Variants in NR3C2 observed in about 807,000 individuals in gnomAD.
NR3C2 encodes the protein mineralocorticoid receptor.
NR3C2 carries 15 observed loss-of-function variants against 86.4 expected under a neutral mutation model. That is an observed-to-expected ratio of 0.17 (90% CI 0.12 to 0.27). The LOEUF is 0.27. Ranked by LOEUF, NR3C2 falls within the 10% of genes least tolerant of loss-of-function variation. The pLI is 1.00. For synonymous variants in NR3C2, 458 were observed against 450.5 expected, an observed-to-expected ratio of 1.02 and a Z score of -0.21; for missense variants, 960 against 1,195.6, an observed-to-expected ratio of 0.80 and a Z score of 2.91.
chr4:148,209,794 C>T (rs1737193179), intron 3 of NR3C2, among the ~76,000 whole-genome samples: 1 of 152,196 alleles, frequency 6.6e-6, no homozygotes, highest in African/African-American at 2.4e-5. Context: ...CCTTCCAGGT[C>T]TGCCATCTCC....
chr4:148,271,355 G>A (rs72655256), intron 2 of NR3C2, among the ~76,000 whole-genome samples: 1 of 152,068 alleles, frequency 6.6e-6, no homozygotes, highest in Non-Finnish European at 1.5e-5. Flanking sequence ...AAGGAATCCT[G>A]AGTACTTTCT....
chr4:148,122,604 T>G lies in NR3C2; in HGVS notation c.2511-2316A>C, dbSNP rs372233110. 7.9e-5 allele frequency among the ~76,000 whole-genome samples: 12 copies of G among 152,334 alleles called. No individual in the cohort carries two copies. In the East Asian group the frequency reaches 2.3e-3, roughly 29 times the overall value. On this transcript the variant is annotated intron_variant, in intron 6 of 8. Coordinates refer to ENST00000358102, the MANE Select transcript of NR3C2 (RefSeq NM_000901.5). ...CTTCTTCCTCCTTCTCTTCCTTTCA[T>G]TGGATTGACCTAGCTTTTTAGCCCC...
intron 2 of NR3C2, among the ~76,000 whole-genome samples, chr4:148,317,241 G>A: frequency 6.6e-6 from 1 of 152,044 alleles, no homozygotes; most frequent in East Asian, 1.9e-4. Flanking sequence ...TGTAATCCCA[G>A]CTACTTGTGA....
chr4:148,099,067 C>T (rs1277855958), intron 8 of NR3C2, among the ~76,000 whole-genome samples: 1 of 152,208 alleles, frequency 6.6e-6, no homozygotes, highest in Non-Finnish European at 1.5e-5. Context: ...CTGGCCACAC[C>T]TGCAAGGTGT....
intron 4 of NR3C2, among the ~76,000 whole-genome samples, chr4:148,193,437 T>C (rs1167963925): frequency 6.6e-6 from 1 of 152,204 alleles, no homozygotes; most frequent in Non-Finnish European, 1.5e-5. Flanking sequence ...AAATTCACAA[T>C]GCAAGCCTCC....
intron 6 of NR3C2, among the ~76,000 whole-genome samples, chr4:148,135,622 G>A: frequency 6.6e-6 from 1 of 152,062 alleles, no homozygotes; most frequent in East Asian, 1.9e-4. Flanking sequence ...GTAAAGAAAA[G>A]TCATTCCTCT....
chr4:148,294,863 T>C (rs1741969886), intron 2 of NR3C2, among the ~76,000 whole-genome samples: 2 of 151,908 alleles, frequency 1.3e-5, no homozygotes, highest in African/African-American at 4.8e-5. Flanking sequence ...TGGCACATGC[T>C]TGTTGTCCCA....
At chr4:148,303,149 A>G (rs1280482176) in intron 2 of NR3C2, among the ~76,000 whole-genome samples, 2 of 152,196 alleles carry the variant, frequency 1.3e-5, no homozygotes, top group Admixed American at 6.5e-5. Flanking sequence ...TTTTTTTAAC[A>G]AAGATGAGGA....
intron 1 of NR3C2, among the ~76,000 whole-genome samples, chr4:148,439,792 C>A (rs1196172790): frequency 6.6e-6 from 1 of 152,154 alleles, no homozygotes; most frequent in Non-Finnish European, 1.5e-5. Flanking sequence ...GGCACTCTGC[C>A]CTAAAGCAAG....
At chr4:148,126,295 A>G (rs1732742647) in intron 6 of NR3C2, among the ~76,000 whole-genome samples, 1 of 152,214 alleles carries the variant, frequency 6.6e-6, no homozygotes, top group African/African-American at 2.4e-5. Flanking sequence ...AAGCTCTTAA[A>G]TTATACTTCA....
chr4:148,300,643 T>C (rs918131243), intron 2 of NR3C2, among the ~76,000 whole-genome samples: 1 of 141,308 alleles, frequency 7.1e-6, no homozygotes, highest in South Asian at 2.3e-4. Flanking sequence ...TGGAGTGCAA[T>C]GACGCAATCT....
chr4:148,165,820 TAAG>T (rs1734854773), intron 4 of NR3C2, among the ~76,000 whole-genome samples: 3 of 152,210 alleles, frequency 2.0e-5, no homozygotes, highest in Admixed American at 2.0e-4. Context: ...ACTCTATTAT[TAAG>T]AACATTTTAC....
At chr4:148,386,956 T>A (rs1396577017) in intron 2 of NR3C2, among the ~76,000 whole-genome samples, 1 of 152,182 alleles carries the variant, frequency 6.6e-6, no homozygotes, top group Non-Finnish European at 1.5e-5. Context: ...GCCTGTCTAG[T>A]CTAGTCCTAA....
At chr4:148,222,989 CCAAAA>C (rs1560986392) in intron 3 of NR3C2, among the ~76,000 whole-genome samples, 1 of 151,852 alleles carries the variant, frequency 6.6e-6, no homozygotes. Flanking sequence ...TGGTAAAAAA[CCAAAA>C]CAAAACAAAA....
chr4:148,381,232 G>GA lies in NR3C2; in HGVS notation c.1757+53871dup, dbSNP rs5862837. Among the ~76,000 whole-genome samples the GA allele has an allele frequency of 3.5e-3, 470 of 133,926 alleles. 1 individual carries two copies. Among genetic ancestry groups the GA allele is most frequent in the East Asian group, 6.6e-3 (28 of 4,240 alleles). 87.9% of individuals were successfully genotyped at this position (133,926 alleles called of 152,430 possible). A position where few individuals can be genotyped will look rare whatever the true frequency, so the allele number is the denominator to read the frequency against. ...ACTAGAGCGAGACCCTGTCTCAAAA[G>GA]AAAAAAAAAAAAAGAGGAAGAACAT... On this transcript the variant is annotated intron_variant, in intron 2 of 8. Coordinates refer to ENST00000358102, the MANE Select transcript of NR3C2 (RefSeq NM_000901.5).
intron 2 of NR3C2, among the ~76,000 whole-genome samples, chr4:148,325,102 T>TGGAGAGACAGAGAGAGAGAGAG (rs1743887018): frequency 6.8e-6 from 1 of 146,254 alleles, no homozygotes; most frequent in Non-Finnish European, 1.5e-5. Flanking sequence ...AGGAGCATAG[T>TGGAGAGACAGAGAGAGAGAGAG]GGAGAGACAG....
chr4:148,089,462 A>C (rs1182036651), intron 8 of NR3C2, among the ~76,000 whole-genome samples: 1 of 152,212 alleles, frequency 6.6e-6, no homozygotes, highest in Non-Finnish European at 1.5e-5. Context: ...TCCACCCGAC[A>C]TGGAGCAAGT....
chr4:148,286,790 A>G (rs2149902939), intron 2 of NR3C2, among the ~76,000 whole-genome samples: 3 of 152,374 alleles, frequency 2.0e-5, no homozygotes, highest in Admixed American at 2.0e-4. Flanking sequence ...ATACATCAAC[A>G]TAACTATACC....
chr4:148,316,515 T>C (rs1246951505), intron 2 of NR3C2, among the ~76,000 whole-genome samples: 1 of 152,128 alleles, frequency 6.6e-6, no homozygotes, highest in Non-Finnish European at 1.5e-5. Flanking sequence ...GTTACAGAAT[T>C]TTGAGAAATA....
Sources: gnomAD v4.1 joint callset for allele counts (sites outside exome capture counted in the v4.1 genomes callset) on GRCh38, gnomAD v4.1.1 for gene constraint, MANE v1.5 for transcripts, NCBI Gene and HGNC (gene_info 2026-07-23, HGNC 2026-07-21) for gene names.